Variants in MEI1 observed in about 807,000 individuals in gnomAD.
The protein encoded by MEI1 is meiotic double-stranded break formation protein 1.
MEI1 carries 103 observed loss-of-function variants against 146.2 expected under a neutral mutation model. That is an observed-to-expected ratio of 0.70 (90% confidence interval 0.60 to 0.83). MEI1 has a LOEUF of 0.83. Among genes scored for constraint, MEI1 ranks in the 40% least tolerant of loss-of-function variants. The pLI is 0.00. For missense variants in MEI1, 1,529 were observed against 1,533.0 expected (o/e 1.00, Z 0.04); for synonymous variants, 652 against 628.2 (o/e 1.04, Z -0.57).
At chr22:41,770,616 C>T in intron 19 of MEI1, 70 bp from the exon 20 acceptor site, 1 of 1,446,300 alleles carries the variant, frequency 6.9e-7, no homozygotes, top group Non-Finnish European at 9.3e-7. Flanking sequence ...CTAGTCATCT[C>T]TTGGCCATGT....
intron 6 of MEI1, among the ~76,000 whole-genome samples, chr22:41,720,028 A>G (rs920184749): frequency 2.6e-5 from 4 of 152,220 alleles, no homozygotes; most frequent in Non-Finnish European, 4.4e-5. Flanking sequence ...CACAGAGATG[A>G]TCAAATCCAA....
At chr22:41,729,441 G>A (rs982988230) in intron 7 of MEI1, among the ~76,000 whole-genome samples, 7 of 152,218 alleles carry the variant, frequency 4.6e-5, no homozygotes, top group African/African-American at 1.2e-4. Context: ...CCCCTGGTGA[G>A]TTTTACATTG....
Position 41,703,384 on chromosome 22 carries a change from T to C in MEI1, c.228T>C (p.His76=). The change falls in exon 2 of 31, where the codon CAT becomes CAC. Residue 76 remains histidine (H), a synonymous_variant. Coordinates refer to ENST00000401548, the MANE Select transcript of MEI1 (RefSeq NM_152513.4). Reference sequence around the variant, plus strand: ...GCTTCCAAGATGCCCTTGTGAGGCATACCTCCCTGGTCACGCAACTGGTGT... The same window carrying C: ...GCTTCCAAGATGCCCTTGTGAGGCACACCTCCCTGGTCACGCAACTGGTGT... ...LSCFQDALVR[H]TSLVTQLVSQ... The C allele has an allele frequency of 6.2e-7, 1 of 1,611,882 alleles. No individual in the cohort carries two copies. The highest frequency in any genetic ancestry group is 8.5e-7 in the Non-Finnish European group (1 of 1,178,996).
intron 30 of MEI1, among the ~76,000 whole-genome samples, chr22:41,798,421 T>TA (rs1287967531): frequency 4.7e-5 from 7 of 149,892 alleles, no homozygotes; most frequent in Admixed American, 1.3e-4. Context: ...TACTAAAAAA[T>TA]ACAAAAATTA....
At chr22:41,761,569 C>T (rs1036223219) in intron 18 of MEI1, among the ~76,000 whole-genome samples, 1 of 152,024 alleles carries the variant, frequency 6.6e-6, no homozygotes, top group Non-Finnish European at 1.5e-5. Flanking sequence ...CCGCCTCGGC[C>T]TCCCAAAGTG....
chr22:41,721,000 C>T (rs570681663), intron 6 of MEI1, among the ~76,000 whole-genome samples: 21 of 151,408 alleles, frequency 1.4e-4, no homozygotes, highest in African/African-American at 4.1e-4. Flanking sequence ...AGGATGGTCT[C>T]GATCTCCTGA....
chr22:41,760,029 G>T (rs2074370884), intron 18 of MEI1, among the ~76,000 whole-genome samples: 1 of 151,962 alleles, frequency 6.6e-6, no homozygotes, highest in African/African-American at 2.4e-5. Context: ...CAAAAATCAG[G>T]CCGGGTGCAG....
chr22:41,743,769 A>T (rs1039692205), intron 12 of MEI1, among the ~76,000 whole-genome samples: 2 of 152,210 alleles, frequency 1.3e-5, no homozygotes, highest in African/African-American at 2.4e-5. Flanking sequence ...GGGCCATTAT[A>T]GTCAAGCTAA....
chr22:41,782,901 G>A (rs1442111787), intron 24 of MEI1, among the ~76,000 whole-genome samples: 1 of 151,916 alleles, frequency 6.6e-6, no homozygotes, highest in South Asian at 2.1e-4. Flanking sequence ...CTGATCATTC[G>A]TCCTCCCCAC....
chr22:41,708,008 T>C (rs1253564201), intron 3 of MEI1, among the ~76,000 whole-genome samples: 1 of 152,242 alleles, frequency 6.6e-6, no homozygotes, highest in Admixed American at 6.5e-5. Context: ...AACAACTTTT[T>C]GTTTACCTAA....
chr22:41,793,327 G>GT (rs1448485300), intron 26 of MEI1, among the ~76,000 whole-genome samples: 1 of 150,516 alleles, frequency 6.6e-6, no homozygotes, highest in Non-Finnish European at 1.5e-5. Flanking sequence ...CCACGATGGA[G>GT]TTTCGCTCTG....
chr22:41,743,194 G>T lies in MEI1; in HGVS notation c.1446G>T (p.Leu482=). The T allele has an allele frequency of 6.2e-7, 1 of 1,610,422 alleles. No homozygotes were observed. The highest frequency in any genetic ancestry group is 1.1e-5 in the South Asian group (1 of 90,920). The change falls in exon 12 of 31, where the codon CTG becomes CTT. Residue 482 remains leucine, a splice_region_variant and synonymous_variant. Transcript: ENST00000401548. ...AGACCTTGCTGAGCAGGAGGCCCCT[G>T]GTCAGTGTACTGCAGCCTGCTGCTT... ...FSQTLLSRRP[L]GHASSRDSEK... is the part of the protein sequence containing the mutation.
chr22:41,775,020 T>C (rs2075369378), intron 20 of MEI1, among the ~76,000 whole-genome samples: 2 of 152,156 alleles, frequency 1.3e-5, no homozygotes, highest in Non-Finnish European at 2.9e-5. Flanking sequence ...TGTGTGACCT[T>C]GGATTCATAA....
chr22:41,727,019 C>T (rs960122034), intron 7 of MEI1, among the ~76,000 whole-genome samples: 6 of 151,840 alleles, frequency 4.0e-5, no homozygotes, highest in African/African-American at 1.5e-4. Flanking sequence ...GTGATCCACC[C>T]GCCTCAGCCT....
At chr22:41,762,550 A>ATTT (rs1167639969) in intron 18 of MEI1, among the ~76,000 whole-genome samples, 1 of 135,368 alleles carries the variant, frequency 7.4e-6, no homozygotes, top group African/African-American at 2.6e-5. Flanking sequence ...AATTTAACTG[A>ATTT]TTTTTTTTTT....
chr22:41,766,165 G>A (rs1033190142), intron 19 of MEI1, among the ~76,000 whole-genome samples: 8 of 151,024 alleles, frequency 5.3e-5, no homozygotes, highest in Non-Finnish European at 1.0e-4. Context: ...ATGAGCCACC[G>A]TGCCGGCCAT....
intron 12 of MEI1, among the ~76,000 whole-genome samples, chr22:41,743,651 G>C (rs540107771): frequency 6.6e-6 from 1 of 152,342 alleles, no homozygotes; most frequent in East Asian, 1.9e-4. Context: ...TATCAGGAAA[G>C]ACACTGTCAG....
At chr22:41,796,229 C>A (rs1569342376) in intron 30 of MEI1, among the ~76,000 whole-genome samples, 1 of 152,056 alleles carries the variant, frequency 6.6e-6, no homozygotes, top group Non-Finnish European at 1.5e-5. Context: ...GCTCCGTCGC[C>A]CAGGCTGGAG....
intron 19 of MEI1, 103 bp downstream of exon 19, chr22:41,763,424 G>A: frequency 1.5e-6 from 2 of 1,342,768 alleles, no homozygotes; most frequent in Non-Finnish European, 2.1e-6. Context: ...GCGGGTGGTA[G>A]AGAGAGACAA....
Sources: allele counts gnomAD v4.1 joint callset (sites outside exome capture counted in the v4.1 genomes callset), GRCh38; gene constraint gnomAD v4.1.1; transcripts MANE v1.5; gene names NCBI Gene and HGNC (gene_info 2026-07-23, HGNC 2026-07-21).